Variants in RUVBL1 observed in about 807,000 individuals in gnomAD.
The protein encoded by RUVBL1 is RuvB like AAA ATPase 1, also known as ruvB-like 1.
A neutral mutation model predicts 52.4 loss-of-function variants in RUVBL1; 4 were observed. That is an observed-to-expected ratio of 0.08 (90% CI 0.04 to 0.17). RUVBL1 has a LOEUF of 0.17. RUVBL1 is among the 10% of genes least tolerant of loss of function. The pLI is 1.00. For missense variants in RUVBL1, 298 were observed against 572.8 expected (o/e 0.52, Z 4.90); for synonymous variants, 217 against 214.4 (o/e 1.01, Z -0.10).
At chr3:128,065,811 G>A (rs1941959400) in intron 9 of RUVBL1, among the ~76,000 whole-genome samples, 1 of 133,822 alleles carries the variant, frequency 7.5e-6, no homozygotes, top group Admixed American at 8.9e-5. Flanking sequence ...ATCTCGACTC[G>A]ACTCACTGCA....
chr3:128,152,298 C>T (rs1944232077), intron 1 of RUVBL1, among the ~76,000 whole-genome samples: 1 of 152,190 alleles, frequency 6.6e-6, no homozygotes, highest in Non-Finnish European at 1.5e-5. Flanking sequence ...TAAGCCCAGG[C>T]TACAGACTCT....
chr3:128,119,525 G>C (rs1265277824), intron 1 of RUVBL1, 111 bp from the exon 2 acceptor site: 6 of 801,712 alleles, frequency 7.5e-6, no homozygotes, highest in African/African-American at 1.7e-5. Context: ...CTAACACTGA[G>C]TGCCAGTGCA....
intron 1 of RUVBL1, among the ~76,000 whole-genome samples, chr3:128,121,159 G>A (rs1359769322): frequency 2.6e-5 from 4 of 151,650 alleles, no homozygotes; most frequent in Non-Finnish European, 4.4e-5. Context: ...GCAATGGCGC[G>A]ATCTCAGCTC....
At position 128,112,913 on chromosome 3, in the gene RUVBL1, C is replaced by G. The variant is rs1200806920; in HGVS notation, c.336G>C (p.Leu112=). 6.2e-7 allele frequency: 1 copy of G among 1,614,042 alleles called. No individual in the cohort carries two copies. Among genetic ancestry groups the G allele is most frequent in the South Asian group, 1.1e-5 (1 of 91,074 alleles). Reference sequence around the variant, plus strand: ...CAATGGCCCTGCGGAAGTTCTCCATCAGCACCTCTGTCTTCTTGATCTCAG... The same window carrying G: ...CAATGGCCCTGCGGAAGTTCTCCATGAGCACCTCTGTCTTCTTGATCTCAG... ...YSTEIKKTEV[L]MENFRRAIGL... Residue 112 remains leucine (L), a synonymous_variant, in exon 3 of 11, where the codon CTG becomes CTC. Coordinates refer to ENST00000322623, the MANE Select transcript of RUVBL1 (RefSeq NM_003707.3).
At position 128,101,603 on chromosome 3, in the gene RUVBL1, C is replaced by T. The variant is rs913369626; in HGVS notation, c.559G>A (p.Ala187Thr). Reference sequence around the variant, plus strand: ...GCTTCAATGTAAATCACATCTCCAGCTTCTACTCGCTCTTTCTGCAAACTT... The same window carrying T: ...GCTTCAATGTAAATCACATCTCCAGTTTCTACTCGCTCTTTCTGCAAACTT... ...FESLQKERVE[A>T]GDVIYIEANS... The change falls in exon 5 of 11, where the codon GCT becomes ACT. Residue 187 changes from alanine to threonine, a missense_variant. Transcript: ENST00000322623. The T allele has an allele frequency of 7.4e-6, 12 of 1,614,062 alleles. No homozygotes were observed. The highest frequency in any genetic ancestry group is 1.0e-5 in the Non-Finnish European group (12 of 1,180,024).
chr3:128,153,899 G>T (rs1003606231), exon 1 of RUVBL1: 7 of 1,425,364 alleles, frequency 4.9e-6, no homozygotes, highest in African/African-American at 1.5e-5. Context: ...GAATTCGCTC[G>T]AGCCTTTGCC....
chr3:128,089,808 G>C, intron 8 of RUVBL1, among the ~76,000 whole-genome samples: 1 of 149,826 alleles, frequency 6.7e-6, no homozygotes, highest in Non-Finnish European at 1.5e-5. Flanking sequence ...TACTCCGGAA[G>C]CTAAGGCATG....
chr3:128,070,590 A>T (rs567510012), intron 9 of RUVBL1: 1 of 152,394 alleles, frequency 6.6e-6, no homozygotes, highest in Admixed American at 6.5e-5. Context: ...AAGATCACCC[A>T]GCTGTGTTCA....
intron 1 of RUVBL1, among the ~76,000 whole-genome samples, chr3:128,130,433 T>C (rs916477143): frequency 1.3e-5 from 2 of 151,822 alleles, no homozygotes; most frequent in Non-Finnish European, 2.9e-5. Context: ...TAGAGCCGAA[T>C]GGCTTAACTA....
At chr3:128,133,534 G>C (rs1192396510) in intron 1 of RUVBL1, among the ~76,000 whole-genome samples, 1 of 141,642 alleles carries the variant, frequency 7.1e-6, no homozygotes, top group Non-Finnish European at 1.6e-5. Context: ...GCTTCAGACA[G>C]CTTATCAGAG....
chr3:128,153,238 T>A lies in RUVBL1; in HGVS notation c.-75A>T, dbSNP rs984125746. On this transcript the variant is annotated 5_prime_UTR_variant, in exon 1 of 10. Transcript: ENST00000464873. The stretch of plus-strand genomic sequence containing the variant: ...CAAATGGCTTCACTTCTCAGAAGGA[T>A]CCCTCCATCTCGGGCTCCTAGAGGC... The A allele has an allele frequency of 2.8e-5, 37 of 1,338,040 alleles. No homozygotes were observed. In the African/African-American group the frequency reaches 5.8e-4, roughly 21 times the overall value. The allele number at this position is 1,338,040 out of a possible 1,614,324, so 82.9% of individuals were successfully genotyped here.
At chr3:128,117,476 A>G (rs4857837) in intron 2 of RUVBL1, among the ~76,000 whole-genome samples, 109,137 of 152,102 alleles carry the variant, frequency 0.72, 39,313 homozygotes, top group East Asian at 0.89. Flanking sequence ...AGACGTTGTC[A>G]AAGTCCCCTG....
intron 1 of RUVBL1, among the ~76,000 whole-genome samples, chr3:128,151,672 C>G (rs983130744): frequency 1.3e-5 from 2 of 152,052 alleles, no homozygotes; most frequent in Non-Finnish European, 2.9e-5. Context: ...CACAAGGGCC[C>G]GCTCTCATGA....
At chr3:128,073,700 C>T (rs1392194074) in intron 9 of RUVBL1, among the ~76,000 whole-genome samples, 1 of 152,194 alleles carries the variant, frequency 6.6e-6, no homozygotes, top group East Asian at 1.9e-4. Context: ...GAAGGTGCCT[C>T]TCCTCTTAAA....
At chr3:128,111,219 CAAAA>C (rs11289688) in intron 3 of RUVBL1, among the ~76,000 whole-genome samples, 8 of 128,632 alleles carry the variant, frequency 6.2e-5, no homozygotes, top group Admixed American at 7.8e-5. Flanking sequence ...GACTCTCTCT[CAAAA>C]AAAAAAAAAA....
Position 128,123,778 on chromosome 3 carries a change from G to C in RUVBL1, c.-54C>G. ...GTGGAAAACCAGCAGCTAGGACAGT[G>C]CGCCCGGCGCCTGAGTTACCATGCG... On this transcript the variant is annotated 5_prime_UTR_variant, in exon 1 of 11. Transcript: ENST00000322623. The C allele has an allele frequency of 6.5e-7, 1 of 1,530,368 alleles. No homozygotes were observed. 94.8% of individuals were successfully genotyped at this position (1,530,368 alleles called of 1,614,324 possible).
At chr3:128,141,831 C>T (rs918361262) in intron 1 of RUVBL1, 2 of 152,262 alleles carry the variant, frequency 1.3e-5, no homozygotes, top group African/African-American at 4.8e-5. Flanking sequence ...TCTGTGTGTC[C>T]TGGCCTTAGC....
intron 9 of RUVBL1, chr3:128,071,535 A>G (rs1942167635): frequency 6.6e-6 from 1 of 152,628 alleles, no homozygotes; most frequent in African/African-American, 2.4e-5. Context: ...GGGCCCTGCA[A>G]GGCCCACACT....
intron 5 of RUVBL1, among the ~76,000 whole-genome samples, chr3:128,101,085 G>A (rs1194659641): frequency 6.6e-6 from 1 of 152,278 alleles, no homozygotes; most frequent in South Asian, 2.1e-4. Context: ...ATGATTTATT[G>A]TATGATATGA....
Sources: gnomAD v4.1 joint callset for allele counts (sites outside exome capture counted in the v4.1 genomes callset) on GRCh38, gnomAD v4.1.1 for gene constraint, MANE v1.5 for transcripts, NCBI Gene and HGNC (gene_info 2026-07-23, HGNC 2026-07-21) for gene names.